Variants in RBFOX1 observed in about 807,000 individuals in gnomAD.
The protein encoded by RBFOX1 is RNA binding protein fox-1 homolog 1.
A neutral mutation model predicts 57.7 loss-of-function variants in RBFOX1; 8 were observed. The observed-to-expected ratio is 0.14, with a 90% CI of 0.08 to 0.25. The LOEUF is 0.25. RBFOX1 is among the 10% of genes least tolerant of loss of function. The probability of loss-of-function intolerance (pLI) is 1.00; values close to 1 mark genes in which losing one functional copy is unlikely to be tolerated. For synonymous variants in RBFOX1, 326 were observed against 222.4 expected (o/e 1.47, Z -4.15); for missense variants, 611 against 548.5 (o/e 1.11, Z -1.14).
intron 1 of RBFOX1, among the ~76,000 whole-genome samples, chr16:5,438,740 C>T (rs1442134357): frequency 6.6e-6 from 1 of 152,134 alleles, no homozygotes; most frequent in South Asian, 2.1e-4. Flanking sequence ...GTCCTTCTAC[C>T]CTGGCCTGTG....
chr16:5,324,723 A>G (rs2064514937), intron 1 of RBFOX1, among the ~76,000 whole-genome samples: 1 of 152,120 alleles, frequency 6.6e-6, no homozygotes, highest in African/African-American at 2.4e-5. Context: ...ACCAAATACC[A>G]CTTGTTCTCA....
intron 2 of RBFOX1, among the ~76,000 whole-genome samples, chr16:6,587,466 G>T (rs983602744): frequency 2.6e-5 from 4 of 152,086 alleles, no homozygotes; most frequent in Non-Finnish European, 1.5e-5. Flanking sequence ...ATTTTTAGCA[G>T]AGACAGGGTT....
chr16:7,677,970 T>C (rs1394924881), intron 14 of RBFOX1, among the ~76,000 whole-genome samples: 1 of 152,234 alleles, frequency 6.6e-6, no homozygotes, highest in Admixed American at 6.5e-5. Flanking sequence ...AGACGTGGTG[T>C]TAGCTAATTG....
chr16:6,504,459 G>C (rs1254809860), intron 2 of RBFOX1, among the ~76,000 whole-genome samples: 1 of 152,180 alleles, frequency 6.6e-6, no homozygotes, highest in Admixed American at 6.5e-5. Flanking sequence ...TACCGGGGTA[G>C]TATAGAGTGA....
intron 3 of RBFOX1, among the ~76,000 whole-genome samples, chr16:7,018,476 A>G (rs1228493471): frequency 7.2e-5 from 11 of 152,166 alleles, no homozygotes; most frequent in African/African-American, 1.4e-4. Flanking sequence ...CCAGTCTATC[A>G]TTGATGGACA....
At chr16:7,031,639 C>G (rs530679138) in intron 3 of RBFOX1, among the ~76,000 whole-genome samples, 2 of 151,872 alleles carry the variant, frequency 1.3e-5, no homozygotes, top group Non-Finnish European at 2.9e-5. Flanking sequence ...GCAATGTCAA[C>G]GACATCGGGC....
rs111411618 is a variant in RBFOX1, at chr16:7,055,679, G to A, written c.27+3581G>A. The stretch of plus-strand genomic sequence containing the variant: ...TGGCAAGGTGAACTGGAATCTCAGC[G>A]ATTGGCTACAGCAGTTATGATTCAT... On this transcript the variant is annotated intron_variant, in intron 4 of 15. Transcript: ENST00000550418. Among the ~76,000 whole-genome samples the A allele has an allele frequency of 5.1e-3, 778 of 152,266 alleles. 9 individuals carry two copies. Among genetic ancestry groups the A allele is most frequent in the African/African-American group, 0.018 (738 of 41,562 alleles).
At chr16:5,309,485 C>G (rs779081146) in intron 1 of RBFOX1, among the ~76,000 whole-genome samples, 4 of 152,120 alleles carry the variant, frequency 2.6e-5, no homozygotes, top group African/African-American at 7.2e-5. Flanking sequence ...TTTTAAGTGT[C>G]TAAACCTCCT....
chr16:7,630,895 A>C (rs2060838160), intron 11 of RBFOX1, among the ~76,000 whole-genome samples: 1 of 152,142 alleles, frequency 6.6e-6, no homozygotes, highest in Non-Finnish European at 1.5e-5. Flanking sequence ...GATTGGGTCC[A>C]ATGGTTGGGA....
rs191071136 is a variant in RBFOX1 at position 6,451,470 on chromosome 16, T to G, written c.-64+134413T>G. Among the ~76,000 whole-genome samples, 978 of 152,246 alleles carry G rather than the reference T, an allele frequency of 6.4e-3. 9 individuals carry two copies. Among genetic ancestry groups the G allele is most frequent in the African/African-American group, 0.021 (878 of 41,540 alleles). On this transcript the variant is annotated intron_variant, in intron 2 of 15. Coordinates refer to ENST00000550418, the MANE Select transcript of RBFOX1 (RefSeq NM_018723.4). The stretch of plus-strand genomic sequence containing the variant: ...TGGAGATGCAAGGAGACAGAGAGAC[T>G]CACTCGGGCCAAAATCCAGTTGCTC...
Position 6,019,448 on chromosome 16 carries a change from GA to G in RBFOX1, c.-668del, listed in dbSNP as rs2095026003. 2.0e-6 allele frequency: 2 copies of G among 990,984 alleles called. No individual in the cohort carries two copies. Among genetic ancestry groups the G allele is most frequent in the East Asian group, 1.1e-4 (1 of 9,096 alleles). The allele number at this position is 990,984 out of a possible 1,614,324, so 61.4% of individuals were successfully genotyped here. On this transcript the variant is annotated 5_prime_UTR_variant, in exon 1 of 16. Transcript: ENST00000550418. This position sits in a 1 kb window ranked among gnomAD's most constrained non-coding sequence, Gnocchi z 4.2. ...GAGCCCAGGGGCCGCGTCGGGTGGG[GA>G]AACCCGAACTCGCGGAGGGGAATCC...
At chr16:7,289,576 A>G (rs2095719860) in intron 4 of RBFOX1, among the ~76,000 whole-genome samples, 1 of 152,134 alleles carries the variant, frequency 6.6e-6, no homozygotes, top group Non-Finnish European at 1.5e-5. Context: ...CATGATTATC[A>G]GTGCCATCAT....
At chr16:7,402,218 T>A (rs1257947421) in intron 4 of RBFOX1, among the ~76,000 whole-genome samples, 1 of 152,138 alleles carries the variant, frequency 6.6e-6, no homozygotes, top group Non-Finnish European at 1.5e-5. Flanking sequence ...TCACTGAGTC[T>A]TGTCTGAAGA....
chr16:6,457,407 T>C (rs1376200924), intron 2 of RBFOX1, among the ~76,000 whole-genome samples: 1 of 149,670 alleles, frequency 6.7e-6, no homozygotes, highest in African/African-American at 2.5e-5. Context: ...GGCCCTTGTG[T>C]TATTTTCTGG....
intron 3 of RBFOX1, among the ~76,000 whole-genome samples, chr16:6,882,873 C>A (rs138616969): frequency 2.0e-5 from 3 of 152,232 alleles, no homozygotes; most frequent in Admixed American, 1.3e-4. Flanking sequence ...CAACCATCTT[C>A]CTGCTCTGTT....
chr16:6,136,058 G>C (rs933514066), intron 1 of RBFOX1, among the ~76,000 whole-genome samples: 11 of 152,078 alleles, frequency 7.2e-5, no homozygotes, highest in African/African-American at 2.7e-4. Flanking sequence ...GCCTCCCAAC[G>C]TGCTGGGATT....
At position 6,493,339 on chromosome 16, in the gene RBFOX1, G is replaced by A. The variant is rs529125473; in HGVS notation, c.-63-161264G>A. On this transcript the variant is annotated intron_variant, in intron 2 of 15. Transcript: ENST00000550418. ...TAAAAATATTAAATATGTGTTAACAGTAATGGTTTGACCACAGAAGAAAAT... is the reference window on the plus strand; with the variant it reads ...TAAAAATATTAAATATGTGTTAACAATAATGGTTTGACCACAGAAGAAAAT... 2.6e-5 allele frequency among the ~76,000 whole-genome samples: 4 copies of A among 152,290 alleles called. No homozygotes were observed. The South Asian group carries it at 6.2e-4, about 24-fold the overall frequency.
chr16:5,988,234 C>G (rs2060320052), intron 4 of RBFOX1, among the ~76,000 whole-genome samples: 1 of 152,116 alleles, frequency 6.6e-6, no homozygotes, highest in African/African-American at 2.4e-5. Flanking sequence ...TCTTTTCCCC[C>G]TCACTAATAT....
intron 4 of RBFOX1, among the ~76,000 whole-genome samples, chr16:7,097,559 C>T (rs915886772): frequency 6.6e-6 from 1 of 152,176 alleles, no homozygotes. Flanking sequence ...GGATTTTAAG[C>T]ACCTCTCCAT....
Sources: allele counts gnomAD v4.1 joint callset (sites outside exome capture counted in the v4.1 genomes callset), GRCh38; gene constraint gnomAD v4.1.1; non-coding constraint Gnocchi (gnomAD v3.1); transcripts MANE v1.5; gene names NCBI Gene and HGNC (gene_info 2026-07-23, HGNC 2026-07-21).